AFF2: variants seen among roughly 807,000 people sequenced by gnomAD.
The protein encoded by AFF2 is ALF transcription elongation factor 2, also known as AF4/FMR2 family member 2.
In AFF2, 14 loss-of-function variants were observed where a neutral mutation model predicts 76.9. The observed-to-expected ratio is 0.18, with a 90% CI of 0.12 to 0.28. The LOEUF is 0.28. Among genes scored for constraint, AFF2 ranks in the 10% least tolerant of loss-of-function variants. AFF2 has a pLI of 1.00. For missense variants in AFF2, 868 were observed against 1,001.1 expected, an observed-to-expected ratio of 0.87 and a Z score of 1.79; for synonymous variants, 398 against 366.7, an observed-to-expected ratio of 1.09 and a Z score of -0.98.
chrX:148,832,195 G>A (rs2070463097), intron 4 of AFF2, among the ~76,000 whole-genome samples: 2 of 111,629 alleles, frequency 1.8e-5, no homozygotes. Flanking sequence ...AAGGAGGGAG[G>A]AAGGAAGGAA....
At chrX:148,589,326 C>T (rs1417074219) in intron 1 of AFF2, among the ~76,000 whole-genome samples, 2 of 111,578 alleles carry the variant, frequency 1.8e-5, no homozygotes, top group African/African-American at 6.5e-5. Context: ...CAAAGGGCTA[C>T]TACATGCAGC....
intron 1 of AFF2, among the ~76,000 whole-genome samples, chrX:148,636,314 A>C (rs192943938): frequency 1.1e-4 from 12 of 112,246 alleles, no homozygotes; most frequent in Admixed American, 8.5e-4. Flanking sequence ...GTCGAGGGCT[A>C]TGGATCAATG....
In AFF2 at chrX:148,904,721, A is replaced by T. The variant is rs929288033; in HGVS notation, c.1397+463A>T. On this transcript the variant is annotated intron_variant, in intron 9 of 20. Transcript: ENST00000370460. ...TCAATACTCTGTTAATGAAAAGCTCATAAAATATACTTAACTAAAGGCTTT... is the reference window on the plus strand; with the variant it reads ...TCAATACTCTGTTAATGAAAAGCTCTTAAAATATACTTAACTAAAGGCTTT... 4.5e-5 allele frequency among the ~76,000 whole-genome samples: 5 copies of T among 112,318 alleles called. No homozygotes were observed. The Admixed American group carries it at 4.7e-4, about 11-fold the overall frequency.
chrX:148,734,250 A>G (rs1204341838), intron 3 of AFF2, among the ~76,000 whole-genome samples: 1 of 112,193 alleles, frequency 8.9e-6, no homozygotes, highest in African/African-American at 3.2e-5. Context: ...GGCGAGGACT[A>G]TGAACATAGT....
At chrX:148,635,791 G>A (rs1337525084) in intron 1 of AFF2, among the ~76,000 whole-genome samples, 1 of 109,955 alleles carries the variant, frequency 9.1e-6, no homozygotes, top group Non-Finnish European at 1.9e-5. Flanking sequence ...GCCCAGGGTA[G>A]GGCCACTCCA....
intron 7 of AFF2, among the ~76,000 whole-genome samples, chrX:148,879,777 G>GAAA (rs143500934): frequency 1.7e-4 from 17 of 102,911 alleles, no homozygotes; most frequent in African/African-American, 1.1e-4. Context: ...ATTTAAAAAT[G>GAAA]AAAAAAAAAA....
At chrX:148,832,594 T>C (rs188518758) in intron 4 of AFF2, among the ~76,000 whole-genome samples, 10 of 112,029 alleles carry the variant, frequency 8.9e-5, no homozygotes, top group Non-Finnish European at 1.9e-4. Context: ...CTGGTAGCAA[T>C]GAGCTTTGAA....
intron 8 of AFF2, among the ~76,000 whole-genome samples, chrX:148,895,691 C>T (rs2071276948): frequency 9.1e-6 from 1 of 110,457 alleles, no homozygotes. Context: ...ACACCACTGC[C>T]CTCACCTATG....
In AFF2 at chrX:148,794,781, G is replaced by T. The variant is rs782285659; in HGVS notation, c.1042-15095G>T. The stretch of plus-strand genomic sequence containing the variant: ...CATCTTGCAGAGGCAGGGGTGGGGG[G>T]TTCATGGCAGTTTATCAAATTGTCT... On this transcript the variant is annotated intron_variant, in intron 3 of 20. Coordinates refer to ENST00000370460, the MANE Select transcript of AFF2 (RefSeq NM_002025.4). Among the ~76,000 whole-genome samples, 4 of 110,953 alleles carry T rather than the reference G, an allele frequency of 3.6e-5. No individual in the cohort carries two copies. In the East Asian group the frequency reaches 8.5e-4, roughly 24 times the overall value.
intron 1 of AFF2, among the ~76,000 whole-genome samples, chrX:148,627,263 C>G (rs1376372099): frequency 8.9e-6 from 1 of 111,875 alleles, no homozygotes; most frequent in African/African-American, 3.3e-5. Flanking sequence ...AAATTCCAGG[C>G]AGGATCATTA....
At chrX:148,509,045 A>G (rs782102230) in intron 1 of AFF2, among the ~76,000 whole-genome samples, 14 of 111,368 alleles carry the variant, frequency 1.3e-4, no homozygotes, top group Non-Finnish European at 1.9e-4. Flanking sequence ...AACTGTTTGT[A>G]TTGCCTACCT....
At chrX:148,950,606 T>G (rs1447234883) in intron 9 of AFF2, among the ~76,000 whole-genome samples, 3 of 111,983 alleles carry the variant, frequency 2.7e-5, no homozygotes, top group Non-Finnish European at 5.6e-5. Context: ...TTGTTCTTCC[T>G]ATACTAATTT....
chrX:148,620,997 A>G (rs1266689157), intron 1 of AFF2, among the ~76,000 whole-genome samples: 1 of 111,875 alleles, frequency 8.9e-6, no homozygotes, highest in African/African-American at 3.2e-5. Context: ...AGCACTCTCA[A>G]AGGAGAGCTG....
chrX:148,536,909 C>T (rs1416441156), intron 1 of AFF2, among the ~76,000 whole-genome samples: 2 of 112,235 alleles, frequency 1.8e-5, no homozygotes, highest in Non-Finnish European at 3.8e-5. Flanking sequence ...AAATCTGAAT[C>T]TATAGCTTGC....
chrX:148,740,124 C>T (rs1343032682), intron 3 of AFF2, among the ~76,000 whole-genome samples: 1 of 111,498 alleles, frequency 9.0e-6, no homozygotes, highest in Non-Finnish European at 1.9e-5. Flanking sequence ...TGACAATGTG[C>T]CTAGGTGAGG....
intron 2 of AFF2, among the ~76,000 whole-genome samples, chrX:148,657,932 G>A (rs782157479): frequency 1.4e-4 from 16 of 112,205 alleles, no homozygotes; most frequent in Non-Finnish European, 2.6e-4. Flanking sequence ...TTGCTATGGT[G>A]TATAATGAGA....
intron 3 of AFF2, among the ~76,000 whole-genome samples, chrX:148,757,388 A>G (rs1329389437): frequency 9.0e-6 from 1 of 111,411 alleles, no homozygotes; most frequent in Non-Finnish European, 1.9e-5. Flanking sequence ...ATATATGCCT[A>G]TATGTGTGTC....
intron 4 of AFF2, among the ~76,000 whole-genome samples, chrX:148,824,034 AC>A (rs1397129445): frequency 1.9e-5 from 2 of 103,601 alleles, no homozygotes; most frequent in Non-Finnish European, 3.9e-5. Context: ...TACTATAAAA[AC>A]CCAGGAATTG....
chrX:148,566,491 T>C (rs1213153160), intron 1 of AFF2, among the ~76,000 whole-genome samples: 6 of 111,335 alleles, frequency 5.4e-5, no homozygotes, highest in Admixed American at 3.8e-4. Context: ...AGACAATAGT[T>C]CTCTATTTGA....
Sources: gnomAD v4.1 joint callset for allele counts (sites outside exome capture counted in the v4.1 genomes callset) on GRCh38, gnomAD v4.1.1 for gene constraint, MANE v1.5 for transcripts, NCBI Gene and HGNC (gene_info 2026-07-23, HGNC 2026-07-21) for gene names.